CBR4: variants seen among roughly 807,000 people sequenced by gnomAD.
CBR4 encodes the protein 3-oxoacyl-[acyl-carrier-protein] reductase.
A neutral mutation model predicts 21.0 loss-of-function variants in CBR4; 22 were observed. That is an observed-to-expected ratio of 1.05 (90% CI 0.75 to 1.50). The LOEUF is 1.50. Among genes scored for constraint, CBR4 ranks in the 40% most tolerant of loss-of-function variants. The pLI, the probability that CBR4 is intolerant of heterozygous loss-of-function variation, is 0.00. For synonymous variants in CBR4, 100 were observed against 104.4 expected, an observed-to-expected ratio of 0.96 and a Z score of 0.26; for missense variants, 302 against 286.3, an observed-to-expected ratio of 1.05 and a Z score of -0.40.
chr4:168,915,558 G>GA (rs1175505662), intron 2 of CBR4, among the ~76,000 whole-genome samples: 4 of 152,022 alleles, frequency 2.6e-5, no homozygotes, highest in African/African-American at 9.7e-5. Context: ...AACTTCTGTT[G>GA]AAAAAGATTT....
rs1486413367 is a variant in CBR4 at position 169,010,183 on chromosome 4, A to AG, written c.-95_-94insC. 6.0e-6 allele frequency: 7 copies of AG among 1,158,140 alleles called. No individual in the cohort carries two copies. In the African/African-American group the frequency reaches 1.1e-4, roughly 18 times the overall value. The allele number at this position is 1,158,140 out of a possible 1,614,324, so 71.7% of individuals were successfully genotyped here. A position where few individuals can be genotyped will look rare whatever the true frequency, so the allele number is the denominator to read the frequency against. On this transcript the variant is annotated 5_prime_UTR_variant, in exon 1 of 5. Transcript: ENST00000306193. ...TTAAACAACCGCGGTTCCAAAAAAA[A>AG]AAAAAAGAAAAAAAAAGGCAAACCG...
chr4:168,933,333 A>G (rs563758818), intron 2 of CBR4, among the ~76,000 whole-genome samples: 1 of 152,342 alleles, frequency 6.6e-6, no homozygotes, highest in South Asian at 2.1e-4. Context: ...TAATCAATGC[A>G]AACAGAAACA....
At chr4:168,959,066 T>C (rs1040113788) in intron 2 of CBR4, among the ~76,000 whole-genome samples, 2 of 152,288 alleles carry the variant, frequency 1.3e-5, no homozygotes, top group East Asian at 1.9e-4. Flanking sequence ...TTTACCATTT[T>C]TTTTCTGTAT....
intron 2 of CBR4, among the ~76,000 whole-genome samples, chr4:168,966,853 C>G (rs918543182): frequency 2.6e-5 from 4 of 151,770 alleles, no homozygotes; most frequent in Non-Finnish European, 5.9e-5. Context: ...CCAGTGCCTA[C>G]TAAAAATACA....
At chr4:168,954,516 C>T (rs1449716529) in intron 2 of CBR4, among the ~76,000 whole-genome samples, 1 of 152,136 alleles carries the variant, frequency 6.6e-6, no homozygotes, top group African/African-American at 2.4e-5. Flanking sequence ...CTTAAAAGTA[C>T]CACCTCTAAT....
intron 2 of CBR4, among the ~76,000 whole-genome samples, chr4:168,981,261 T>C (rs1342163953): frequency 6.6e-6 from 1 of 151,816 alleles, no homozygotes; most frequent in East Asian, 1.9e-4. Flanking sequence ...TTACCAGGCT[T>C]GGTGGTGCAT....
chr4:168,924,997 A>G lies in CBR4; in HGVS notation n.170-30232T>C, dbSNP rs1553984987. 6.2e-7 allele frequency: 1 copy of G among 1,614,144 alleles called. No homozygotes were observed. Among genetic ancestry groups the G allele is most frequent in the Non-Finnish European group, 8.5e-7 (1 of 1,179,984 alleles). ...CTGCCTGCTCATTCAGGGAGCCACA[A>G]AAGAAGATGCTGGGTGGTATACTGT... On this transcript the variant is annotated intron_variant and non_coding_transcript_variant, in intron 2 of 3. Coordinates refer to the CBR4 transcript ENST00000509108.
chr4:168,974,839 T>G (rs1764321013), intron 2 of CBR4, among the ~76,000 whole-genome samples: 1 of 152,350 alleles, frequency 6.6e-6, no homozygotes, highest in African/African-American at 2.4e-5. Context: ...TAAGTCGGTT[T>G]TCACCTTCCT....
intron 2 of CBR4, among the ~76,000 whole-genome samples, chr4:168,923,683 C>A (rs1320925240): frequency 6.6e-6 from 1 of 151,838 alleles, no homozygotes; most frequent in Non-Finnish European, 1.5e-5. Flanking sequence ...ATAGGATATA[C>A]ATTCCTAGTT....
In CBR4 at chr4:168,988,064, AT is replaced by A; in HGVS notation, c.*2085del. ...CATTCAATGCTTCTCAGAATAGCAG[AT>A]TTTAAAAAATGAATTCACTGAGGTT... On this transcript the variant is annotated 3_prime_UTR_variant, in exon 5 of 5. Coordinates refer to ENST00000306193, the MANE Select transcript of CBR4 (RefSeq NM_032783.5). 1 of 985,318 alleles carries A rather than the reference AT, an allele frequency of 1.0e-6. No individual in the cohort carries two copies. The highest frequency in any genetic ancestry group is 1.2e-6 in the Non-Finnish European group (1 of 829,790). The allele number at this position is 985,318 out of a possible 1,614,324, so 61.0% of individuals were successfully genotyped here. A position where few individuals can be genotyped will look rare whatever the true frequency, so the allele number is the denominator to read the frequency against.
intron 2 of CBR4, chr4:168,924,160 A>T (rs1044714740): frequency 9.3e-7 from 1 of 1,074,862 alleles, no homozygotes; most frequent in African/African-American, 1.6e-5. Context: ...GTATCATAAA[A>T]GATCTATTCA....
At chr4:168,947,816 T>C (rs889400348) in intron 2 of CBR4, among the ~76,000 whole-genome samples, 2 of 152,192 alleles carry the variant, frequency 1.3e-5, no homozygotes, top group Non-Finnish European at 2.9e-5. Flanking sequence ...ATTTTGCAAT[T>C]GTGAATTATG....
At chr4:168,896,412 G>C (rs1008421788) in intron 2 of CBR4, 5 of 649,728 alleles carry the variant, frequency 7.7e-6, no homozygotes, top group Non-Finnish European at 1.4e-5. Context: ...CAGAATGGTT[G>C]TGTGAGTACT....
intron 3 of CBR4, among the ~76,000 whole-genome samples, chr4:169,002,878 C>T (rs933123104): frequency 7.2e-5 from 11 of 151,846 alleles, no homozygotes; most frequent in African/African-American, 2.7e-4. Flanking sequence ...TGGTAATTTT[C>T]ATACCATCTT....
At chr4:169,001,896 A>T in intron 4 of CBR4, 175 bp downstream of exon 4, 1 of 476,814 alleles carries the variant, frequency 2.1e-6, no homozygotes. Context: ...CATAGACTTT[A>T]TATAGAATAT....
intron 2 of CBR4, chr4:168,925,355 T>C: frequency 9.0e-7 from 1 of 1,110,300 alleles, no homozygotes; most frequent in Non-Finnish European, 1.4e-6. Flanking sequence ...AGTTGTGGCT[T>C]CCTTACTCAA....
At chr4:168,949,696 C>A (rs569314117) in intron 2 of CBR4, among the ~76,000 whole-genome samples, 9 of 152,058 alleles carry the variant, frequency 5.9e-5, no homozygotes, top group Non-Finnish European at 1.2e-4. Context: ...GGATTGGTAC[C>A]AATTCTTCTT....
chr4:168,915,571 TAATA>T (rs1759921289), intron 2 of CBR4, among the ~76,000 whole-genome samples: 2 of 152,194 alleles, frequency 1.3e-5, no homozygotes, highest in Admixed American at 1.3e-4. Context: ...AAAGATTTGG[TAATA>T]AATGAGCAAT....
intron 2 of CBR4, among the ~76,000 whole-genome samples, chr4:168,898,979 C>T (rs77030061): frequency 0.025 from 3,795 of 152,214 alleles, 64 homozygotes; most frequent in Non-Finnish European, 0.038. Context: ...ATTTATTCCT[C>T]GTTGTTATTC....
Sources: allele counts gnomAD v4.1 joint callset (sites outside exome capture counted in the v4.1 genomes callset), GRCh38; gene constraint gnomAD v4.1.1; transcripts MANE v1.5; gene names NCBI Gene and HGNC (gene_info 2026-07-23, HGNC 2026-07-21).